Variants in ABAT observed in about 807,000 individuals in gnomAD.
The protein encoded by ABAT is 4-aminobutyrate aminotransferase.
In ABAT, 45 loss-of-function variants were observed where a neutral mutation model predicts 64.6. The ratio of observed to expected loss-of-function variants is 0.70; its 90% CI spans 0.55 to 0.89. ABAT has a LOEUF of 0.89. ABAT is among the 40% of genes least tolerant of loss of function. The probability of loss-of-function intolerance (pLI) is 0.00; values close to 1 mark genes in which losing one functional copy is unlikely to be tolerated. For synonymous variants in ABAT, 297 were observed against 250.5 expected, an observed-to-expected ratio of 1.19 and a Z score of -1.75; for missense variants, 633 against 658.4, an observed-to-expected ratio of 0.96 and a Z score of 0.42.
At chr16:8,682,106 C>G (rs1354497940) in intron 1 of ABAT, among the ~76,000 whole-genome samples, 1 of 151,940 alleles carries the variant, frequency 6.6e-6, no homozygotes, top group Non-Finnish European at 1.5e-5. Context: ...AAGATTGCCC[C>G]TGGTTGAGAA....
At chr16:8,723,610 A>C (rs559028737) in intron 1 of ABAT, among the ~76,000 whole-genome samples, 11 of 152,018 alleles carry the variant, frequency 7.2e-5, no homozygotes, top group Non-Finnish European at 1.6e-4. Context: ...GAGACAGAGT[A>C]AATGCAAATG....
intron 11 of ABAT, among the ~76,000 whole-genome samples, chr16:8,771,468 CTT>C (rs144671840): frequency 0.01 from 1,301 of 130,012 alleles, 28 homozygotes; most frequent in African/African-American, 0.029. Flanking sequence ...GTTTTTCTTT[CTT>C]TTTTTTTTTT....
At chr16:8,687,230 C>T (rs1214733730) in intron 1 of ABAT, among the ~76,000 whole-genome samples, 6 of 152,146 alleles carry the variant, frequency 3.9e-5, no homozygotes, top group Admixed American at 1.3e-4. Flanking sequence ...TCTTGGGTCC[C>T]GCTCTTCCGG....
At chr16:8,723,809 T>TATATATATATATATATATA (rs2058445970) in intron 1 of ABAT, among the ~76,000 whole-genome samples, 1 of 44,808 alleles carries the variant, frequency 2.2e-5, no homozygotes, top group African/African-American at 8.2e-5. Context: ...TCCAAGCTTT[T>TATATATATATATATATATA]TATATATATA....
intron 1 of ABAT, among the ~76,000 whole-genome samples, chr16:8,732,209 GT>G (rs2058744926): frequency 1.5e-3 from 5 of 3,352 alleles, no homozygotes; most frequent in Admixed American, 4.8e-3. Flanking sequence ...TTTTTTTTTT[GT>G]TTGTTTGTTT....
chr16:8,727,316 C>T (rs1179898350), intron 1 of ABAT, among the ~76,000 whole-genome samples: 6 of 152,138 alleles, frequency 3.9e-5, no homozygotes, highest in African/African-American at 1.4e-4. Flanking sequence ...CTTCACCTTC[C>T]CTCCAAGTGC....
At chr16:8,766,068 C>A (rs769571385) in intron 8 of ABAT, 140 bp from the exon 9 acceptor site, 44 of 777,768 alleles carry the variant, frequency 5.7e-5, no homozygotes, top group Non-Finnish European at 7.6e-5. Context: ...TCAGTACAGA[C>A]CTGCAACAAT....
rs979213994 is a variant in ABAT, at chr16:8,729,759, C to T, written c.-41-5940C>T. On this transcript the variant is annotated intron_variant, in intron 1 of 15. Coordinates refer to ENST00000268251, the MANE Select transcript of ABAT (RefSeq NM_020686.6). ...GGAGGATCTCTTGAGCCCAGGAGTT[C>T]AAGGCTGCAGTGAGCAATGATCACG... 2.7e-5 allele frequency among the ~76,000 whole-genome samples: 4 copies of T among 147,754 alleles called. No individual in the cohort carries two copies. The Admixed American group carries it at 2.7e-4, about 10-fold the overall frequency.
At chr16:8,690,499 C>G (rs1205447105) in intron 1 of ABAT, among the ~76,000 whole-genome samples, 1 of 152,076 alleles carries the variant, frequency 6.6e-6, no homozygotes, top group Non-Finnish European at 1.5e-5. Context: ...TACTTTTTTC[C>G]TTTTCAAAAT....
At chr16:8,766,183 AT>A in intron 8 of ABAT, 24 bp from the exon 9 acceptor site, 1 of 1,612,778 alleles carries the variant, frequency 6.2e-7, no homozygotes, top group East Asian at 2.2e-5. Flanking sequence ...CATCTCTGAG[AT>A]TTTGTTCTGT....
At chr16:8,773,586 A>C (rs1003067785) in intron 12 of ABAT, among the ~76,000 whole-genome samples, 11 of 152,186 alleles carry the variant, frequency 7.2e-5, no homozygotes, top group Non-Finnish European at 1.6e-4. Flanking sequence ...ATCCACTCCT[A>C]TTTTGAACTA....
intron 10 of ABAT, among the ~76,000 whole-genome samples, chr16:8,768,589 C>T (rs1035132197): frequency 6.6e-6 from 1 of 152,174 alleles, no homozygotes; most frequent in Non-Finnish European, 1.5e-5. Context: ...CTTCAGCTTC[C>T]GGATGAGAAC....
In ABAT at chr16:8,764,916, C is replaced by A; in HGVS notation, c.540+86C>A. 1 of 1,241,380 alleles carries A rather than the reference C, an allele frequency of 8.1e-7. No homozygotes were observed. Among genetic ancestry groups the A allele is most frequent in the Non-Finnish European group, 1.2e-6 (1 of 847,550 alleles). 76.9% of individuals were successfully genotyped at this position (1,241,380 alleles called of 1,614,324 possible). A position where few individuals can be genotyped will look rare whatever the true frequency, so the allele number is the denominator to read the frequency against. On this transcript the variant is annotated intron_variant, in intron 8 of 15. Transcript: ENST00000268251. The surrounding 1 kb of genome is among the most constrained non-coding windows in gnomAD (Gnocchi z 4.2). ...TCACCCCTTGTCTGACTGTTCATTC[C>A]AATGGGCTGGAGTATTAGACATCAG...
intron 1 of ABAT, among the ~76,000 whole-genome samples, chr16:8,716,160 G>A (rs2058210784): frequency 6.6e-6 from 1 of 152,170 alleles, no homozygotes; most frequent in African/African-American, 2.4e-5. Context: ...GGAGAAAACA[G>A]AGGCACAGCT....
chr16:8,707,996 A>C (rs2057986644), intron 1 of ABAT, among the ~76,000 whole-genome samples: 1 of 152,208 alleles, frequency 6.6e-6, no homozygotes, highest in South Asian at 2.1e-4. Flanking sequence ...GATTAAAATC[A>C]GTGGTCAGTC....
chr16:8,705,993 A>G (rs988554164), intron 1 of ABAT, among the ~76,000 whole-genome samples: 10 of 152,304 alleles, frequency 6.6e-5, no homozygotes, highest in African/African-American at 2.4e-4. Flanking sequence ...CCAAGGTCTC[A>G]GCTCCTTTAA....
At chr16:8,750,620 GGCTT>G in intron 5 of ABAT, 81 bp downstream of exon 5, 3 of 1,312,142 alleles carry the variant, frequency 2.3e-6, no homozygotes, top group Non-Finnish European at 3.3e-6. Flanking sequence ...ATTAGGATGT[GGCTT>G]CCAGCAGGCA....
intron 9 of ABAT, among the ~76,000 whole-genome samples, chr16:8,767,657 T>A (rs2059983250): frequency 6.6e-6 from 1 of 152,124 alleles, no homozygotes; most frequent in Non-Finnish European, 1.5e-5. Context: ...GGTCTCTATG[T>A]GAAATTTCTT....
intron 1 of ABAT, among the ~76,000 whole-genome samples, chr16:8,724,636 T>A (rs947689927): frequency 2.0e-5 from 3 of 147,982 alleles, no homozygotes; most frequent in African/African-American, 7.5e-5. Context: ...CTCGGTAGGC[T>A]GAGATGGGAG....
Sources: allele counts gnomAD v4.1 joint callset (sites outside exome capture counted in the v4.1 genomes callset), GRCh38; gene constraint gnomAD v4.1.1; non-coding constraint Gnocchi (gnomAD v3.1); transcripts MANE v1.5; gene names NCBI Gene and HGNC (gene_info 2026-07-23, HGNC 2026-07-21).